The following STARD10 variants were observed in gnomAD, a reference collection of about 807,000 sequenced individuals.
STARD10 encodes the protein START domain-containing protein 10.
In STARD10, 24 loss-of-function variants were observed where a neutral mutation model predicts 36.0. The ratio of observed to expected loss-of-function variants is 0.67; its 90% confidence interval spans 0.48 to 0.94. STARD10 has a LOEUF of 0.94. Ranked by LOEUF, STARD10 falls within the 40% of genes least tolerant of loss-of-function variation. STARD10 has a pLI of 0.00. For missense variants in STARD10, 335 were observed against 396.6 expected (o/e 0.84, Z 1.32); for synonymous variants, 156 against 161.9 (o/e 0.96, Z 0.28).
chr11:72,776,409 C>T (rs1301069815), intron 2 of STARD10, among the ~76,000 whole-genome samples: 2 of 152,188 alleles, frequency 1.3e-5, no homozygotes, highest in African/African-American at 4.8e-5. Context: ...AGAAGACTGA[C>T]CCAGAAAGGT....
In STARD10 at chr11:72,758,620, C is replaced by A; in HGVS notation, c.369G>T (p.Lys123Asn). 6.2e-7 allele frequency: 1 copy of A among 1,613,542 alleles called. No individual in the cohort carries two copies. The highest frequency in any genetic ancestry group is 1.7e-5 in the Admixed American group (1 of 59,982). The change falls in exon 4 of 7, where the codon AAG (lysine) becomes AAT (asparagine). Residue 123 changes from lysine to asparagine, a missense_variant. Coordinates refer to ENST00000334805, the MANE Select transcript of STARD10 (RefSeq NM_006645.3). ...TGATGACATCACGGTTCTTCAGGGGCTTGGGACACCTCCCTGTGGGGGGCA... is the reference window on the plus strand; with the variant it reads ...TGATGACATCACGGTTCTTCAGGGGATTGGGACACCTCCCTGTGGGGGGCA... ...DVGYYSWRCP[K>N]PLKNRDVITL...
chr11:72,759,911 T>A (rs1858693990), intron 2 of STARD10, among the ~76,000 whole-genome samples: 1 of 151,280 alleles, frequency 6.6e-6, no homozygotes, highest in African/African-American at 2.4e-5. Context: ...ATCTTTGGAT[T>A]TTTTTTTTCT....
In STARD10 at chr11:72,765,520, C is replaced by T. The variant is rs556148988; in HGVS notation, c.208-6139G>A. Among the ~76,000 whole-genome samples, 6 of 152,266 alleles carry T rather than the reference C, an allele frequency of 3.9e-5. No homozygotes were observed. In the South Asian group the frequency reaches 1.2e-3, roughly 32 times the overall value. On this transcript the variant is annotated intron_variant, in intron 2 of 6. Transcript: ENST00000334805. ...CACACAGGCTTTGAGGCTGGCAATC[C>T]CAGGCTCAATCCCAGCTCTGTCTCC...
chr11:72,780,743 G>T, intron 2 of STARD10: 1 of 574,726 alleles, frequency 1.7e-6, no homozygotes, highest in Non-Finnish European at 3.1e-6. Flanking sequence ...AGAAGCCTGG[G>T]TTCCAGCTGA....
At chr11:72,763,303 G>A (rs1045644547) in intron 2 of STARD10, among the ~76,000 whole-genome samples, 4 of 152,294 alleles carry the variant, frequency 2.6e-5, no homozygotes, top group Middle Eastern at 3.4e-3. Flanking sequence ...TGTTTGATGA[G>A]GAATGGGGGA....
rs1191089908 is a variant in STARD10 at position 72,792,885 on chromosome 11, G to A, written c.-124C>T. 1 of 152,754 alleles carries A rather than the reference G, an allele frequency of 6.5e-6. No homozygotes were observed. Among genetic ancestry groups the A allele is most frequent in the Non-Finnish European group, 1.5e-5 (1 of 68,486 alleles). The allele number at this position is 152,754 out of a possible 1,614,324, so 9.5% of individuals were successfully genotyped here. On this transcript the variant is annotated 5_prime_UTR_variant, in exon 1 of 7. Transcript: ENST00000334805. ...ACTTGGGCCACTGACCTGAGAAGCA[G>A]GGTCTGTACAGCTCCAGCAACACTC...
At chr11:72,771,960 A>T (rs1281207485) in intron 2 of STARD10, among the ~76,000 whole-genome samples, 2 of 152,154 alleles carry the variant, frequency 1.3e-5, no homozygotes, top group African/African-American at 4.8e-5. Context: ...CAAAGAGGCA[A>T]AAAGCCTCCC....
At chr11:72,759,909 A>AT (rs202116654) in intron 2 of STARD10, among the ~76,000 whole-genome samples, 142 of 149,236 alleles carry the variant, frequency 9.5e-4, no homozygotes, top group African/African-American at 3.0e-3. Context: ...ACATCTTTGG[A>AT]TTTTTTTTTT....
chr11:72,776,328 A>C (rs987504652), intron 2 of STARD10, among the ~76,000 whole-genome samples: 3 of 152,228 alleles, frequency 2.0e-5, no homozygotes, highest in Non-Finnish European at 4.4e-5. Context: ...GGCAGAGCCA[A>C]GCTAGAGCCT....
At chr11:72,758,884 G>C (rs770009620) in intron 3 of STARD10, among the ~76,000 whole-genome samples, 3 of 152,250 alleles carry the variant, frequency 2.0e-5, no homozygotes, top group Non-Finnish European at 4.4e-5. Context: ...GGCCTGGCTG[G>C]TTTGTCTACG....
Position 72,754,859 on chromosome 11 carries a change from C to A in STARD10, c.*38G>T. The stretch of plus-strand genomic sequence containing the variant: ...CAGGAGCGGCCGCCGCCCCAGGGCT[C>A]GCCCGGTCCTGTCTCCGTCCCTGAA... On this transcript the variant is annotated 3_prime_UTR_variant, in exon 7 of 7. Coordinates refer to ENST00000334805, the MANE Select transcript of STARD10 (RefSeq NM_006645.3). 1.9e-6 allele frequency: 3 copies of A among 1,569,826 alleles called. No individual in the cohort carries two copies. The highest frequency in any genetic ancestry group is 1.1e-5 in the South Asian group (1 of 88,686).
rs1357078493 is a variant in STARD10 at position 72,755,237 on chromosome 11, G to T, written c.631-95C>A. ...CGGCTCAGCCCCCAGCATCCTGACT[G>T]GCTCCCTTTCAAAACTTCACTCCTC... On this transcript the variant is annotated intron_variant, in intron 6 of 6. Coordinates refer to ENST00000334805, the MANE Select transcript of STARD10 (RefSeq NM_006645.3). 7.0e-6 allele frequency: 10 copies of T among 1,430,608 alleles called. No individual in the cohort carries two copies. In the African/African-American group the frequency reaches 1.3e-4, roughly 18 times the overall value. The allele number at this position is 1,430,608 out of a possible 1,614,324, so 88.6% of individuals were successfully genotyped here. A position where few individuals can be genotyped will look rare whatever the true frequency, so the allele number is the denominator to read the frequency against.
Position 72,793,957 on chromosome 11 carries a change from C to T in STARD10, c.-1196G>A, listed in dbSNP as rs975663958. 1 of 152,246 alleles carries T rather than the reference C, an allele frequency of 6.6e-6. No individual in the cohort carries two copies. Among genetic ancestry groups the T allele is most frequent in the Admixed American group, 6.5e-5 (1 of 15,286 alleles). 9.4% of individuals were successfully genotyped at this position (152,246 alleles called of 1,614,324 possible). ...GAGGCAGGAGAAAATACGGCGCGCT[C>T]GGCATCGTCCTTCTGACCGGGGACT... On this transcript the variant is annotated 5_prime_UTR_variant, in exon 1 of 7. Transcript: ENST00000334805.
At chr11:72,761,061 G>T (rs965250781) in intron 2 of STARD10, among the ~76,000 whole-genome samples, 72 of 152,268 alleles carry the variant, frequency 4.7e-4, no homozygotes, top group African/African-American at 1.6e-3. Flanking sequence ...GTGGTGGGAT[G>T]CCGCAGGAAG....
intron 2 of STARD10, chr11:72,780,439 C>G (rs1463105379): frequency 2.2e-6 from 1 of 452,022 alleles, no homozygotes; most frequent in Non-Finnish European, 4.5e-6. Flanking sequence ...AATCCTGAGT[C>G]CCTGCAGGAG....
intron 2 of STARD10, among the ~76,000 whole-genome samples, chr11:72,767,211 T>C (rs1858803815): frequency 6.6e-6 from 1 of 152,050 alleles, no homozygotes; most frequent in Non-Finnish European, 1.5e-5. Context: ...CCATAACCAT[T>C]ACCATTGCTC....
At chr11:72,784,152 C>T (rs992578808) in intron 1 of STARD10, among the ~76,000 whole-genome samples, 2 of 152,216 alleles carry the variant, frequency 1.3e-5, no homozygotes, top group African/African-American at 2.4e-5. Context: ...ACCTCTCAAA[C>T]GTGACAAAGC....
chr11:72,763,460 CA>C (rs1246142876), intron 2 of STARD10, among the ~76,000 whole-genome samples: 1 of 152,192 alleles, frequency 6.6e-6, no homozygotes, highest in African/African-American at 2.4e-5. Context: ...AAGTTGCTGT[CA>C]GGTGTTGCCT....
Position 72,781,809 on chromosome 11 carries a change from C to T in STARD10, c.-113-515G>A, listed in dbSNP as rs1169347583. On this transcript the variant is annotated intron_variant, in intron 1 of 6. Coordinates refer to ENST00000334805, the MANE Select transcript of STARD10 (RefSeq NM_006645.3). This position sits in a 1 kb window ranked among gnomAD's most constrained non-coding sequence, Gnocchi z 4.7. ...CCGGCCCCGCCCCGGGCCCCAGCCC[C>T]GCGCGCCCCTCCCGGCTAGGCTGGG... 2.1e-5 allele frequency: 3 copies of T among 144,956 alleles called. No individual in the cohort carries two copies. Among genetic ancestry groups the T allele is most frequent in the Admixed American group, 2.0e-4 (3 of 14,686 alleles). 9.0% of individuals were successfully genotyped at this position (144,956 alleles called of 1,614,324 possible).
Sources: allele counts gnomAD v4.1 joint callset (sites outside exome capture counted in the v4.1 genomes callset), GRCh38; gene constraint gnomAD v4.1.1; non-coding constraint Gnocchi (gnomAD v3.1); transcripts MANE v1.5; gene names NCBI Gene and HGNC (gene_info 2026-07-23, HGNC 2026-07-21).